Variants in CCDC110 observed in about 807,000 individuals in gnomAD.
The protein encoded by CCDC110 is coiled-coil domain containing 110, also known as coiled-coil domain-containing protein 110.
A neutral mutation model predicts 77.1 loss-of-function variants in CCDC110; 70 were observed. The ratio of observed to expected loss-of-function variants is 0.91; its 90% confidence interval spans 0.75 to 1.11. CCDC110 has a LOEUF of 1.11. CCDC110 is among the 50% of genes least tolerant of loss of function. The pLI is 0.00. For synonymous variants in CCDC110, 295 were observed against 312.5 expected (o/e 0.94, Z 0.59); for missense variants, 868 against 942.9 (o/e 0.92, Z 1.04).
At chr4:185,471,414 C>T in intron 1 of CCDC110, 2 of 333,056 alleles carry the variant, frequency 6.0e-6, no homozygotes, top group Non-Finnish European at 1.1e-5. Flanking sequence ...CGGGGCGCGG[C>T]GCTTTCCGCA....
chr4:185,462,178 C>T (rs2095647642), intron 4 of CCDC110, among the ~76,000 whole-genome samples: 1 of 152,324 alleles, frequency 6.6e-6, no homozygotes, highest in East Asian at 1.9e-4. Context: ...TCTGCCACCA[C>T]AGGGAGTCTG....
At chr4:185,463,144 G>A in intron 2 of CCDC110, 95 bp from the exon 3 acceptor site, 1 of 837,134 alleles carries the variant, frequency 1.2e-6, no homozygotes, top group Admixed American at 2.0e-5. Flanking sequence ...TGCTTGGATA[G>A]TGAGGCAGAG....
At chr4:185,464,664 C>A (rs183518645) in intron 2 of CCDC110, among the ~76,000 whole-genome samples, 1 of 152,122 alleles carries the variant, frequency 6.6e-6, no homozygotes, top group Non-Finnish European at 1.5e-5. Context: ...CCACCCACAA[C>A]GAACTGTTGT....
chr4:185,456,522 GA>G (rs2095636283), intron 6 of CCDC110, among the ~76,000 whole-genome samples: 1 of 151,976 alleles, frequency 6.6e-6, no homozygotes, highest in Non-Finnish European at 1.5e-5. Context: ...GAATAATAAA[GA>G]AAAAAGAATC....
intron 2 of CCDC110, 80 bp downstream of exon 2, chr4:185,470,865 G>T: frequency 9.8e-7 from 1 of 1,023,892 alleles, no homozygotes; most frequent in Non-Finnish European, 1.5e-6. Context: ...TGGGAAGCAC[G>T]CCAGGTGAGC....
intron 6 of CCDC110, among the ~76,000 whole-genome samples, chr4:185,453,851 T>G (rs1412818829): frequency 2.0e-5 from 3 of 151,552 alleles, no homozygotes; most frequent in African/African-American, 7.3e-5. Context: ...TTCGCTCTTG[T>G]TGCACAGGCT....
rs374006208 is a variant in CCDC110, at chr4:185,462,727, A to G, written c.172-19T>C. ...GAAGGACCTATGACAAAAGTAAAGT[A>G]TGAAATTGAGTATTTTTAGGTAGGT... On this transcript the variant is annotated intron_variant, in intron 3 of 6. Coordinates refer to ENST00000307588, the MANE Select transcript of CCDC110 (RefSeq NM_152775.4). 5.0e-6 allele frequency: 8 copies of G among 1,604,028 alleles called. No homozygotes were observed. The highest frequency in any genetic ancestry group is 6.8e-6 in the Non-Finnish European group (8 of 1,170,858).
chr4:185,452,617 G>A (rs914733916), intron 6 of CCDC110, among the ~76,000 whole-genome samples: 18 of 152,178 alleles, frequency 1.2e-4, no homozygotes, highest in African/African-American at 3.1e-4. Context: ...GTTCAAGGCC[G>A]GGCTCGGTGG....
chr4:185,461,308 T>C (rs1430775573), intron 4 of CCDC110, 149 bp from the exon 5 acceptor site: 1 of 499,802 alleles, frequency 2.0e-6, no homozygotes, highest in Admixed American at 3.9e-5. Context: ...TGAAAGCTAC[T>C]TAATTTATTG....
In CCDC110 at chr4:185,468,437, T is replaced by C. The variant is rs2095660005; in HGVS notation, c.115+2508A>G. Among the ~76,000 whole-genome samples the C allele has an allele frequency of 6.6e-6, 1 of 152,130 alleles. No homozygotes were observed. The highest frequency in any genetic ancestry group is 6.5e-5 in the Admixed American group (1 of 15,272). ...GAGGGGAGAGAAGCCTTCTCAAAAT[T>C]CTCCAGTGCTTCTCAATTTTCTCAG... On this transcript the variant is annotated intron_variant, in intron 2 of 6. Transcript: ENST00000307588. The surrounding 1 kb of genome is among the most constrained non-coding windows in gnomAD (Gnocchi z 4.5).
chr4:185,461,142 ACT>A lies in CCDC110; in HGVS notation c.253_254del (p.Ser85Ter). The A allele has an allele frequency of 1.3e-6, 2 of 1,570,310 alleles. No individual in the cohort carries two copies. The highest frequency in any genetic ancestry group is 1.7e-6 in the Non-Finnish European group (2 of 1,151,788). On this transcript the variant is annotated frameshift_variant, in exon 5 of 7. Transcript: ENST00000307588. LOFTEE classifies it high-confidence loss of function. ...QNVSMVQSEISEILNKSIIEV... is the reference protein window; with the variant it reads ...QNVSMVQSEIXEILNKSIIEV... The stretch of plus-strand genomic sequence containing the variant: ...CAATAATACTTTTGTTCAATATTTC[ACT>A]GATTTCCGACTGTACCTTTAAAAGA...
chr4:185,466,245 T>G lies in CCDC110; in HGVS notation c.116-3196A>C, dbSNP rs185854701. Among the ~76,000 whole-genome samples, 158 of 152,158 alleles carry G rather than the reference T, an allele frequency of 1.0e-3. 1 individual carries two copies. Among genetic ancestry groups the G allele is most frequent in the Non-Finnish European group, 1.6e-3 (109 of 67,998 alleles). On this transcript the variant is annotated intron_variant, in intron 2 of 6. Coordinates refer to ENST00000307588, the MANE Select transcript of CCDC110 (RefSeq NM_152775.4). ...AAAAAATTTGCTGGGTGTGGTGGCA[T>G]GTGCCTGTAATCCCAGCTACTCGGG...
chr4:185,471,727 C>G lies in CCDC110; in HGVS notation c.-44G>C. ...TCGCAACCGCCGCCGCACGCACCCGCTCCGCCGCCCCGCGCAGGGCATCCT... is the reference window on the plus strand; with the variant it reads ...TCGCAACCGCCGCCGCACGCACCCGGTCCGCCGCCCCGCGCAGGGCATCCT... On this transcript the variant is annotated 5_prime_UTR_variant, in exon 1 of 7. Transcript: ENST00000307588. 1 of 1,514,260 alleles carries G rather than the reference C, an allele frequency of 6.6e-7. No individual in the cohort carries two copies. The highest frequency in any genetic ancestry group is 8.8e-7 in the Non-Finnish European group (1 of 1,133,656). 93.8% of individuals were successfully genotyped at this position (1,514,260 alleles called of 1,614,324 possible). A position where few individuals can be genotyped will look rare whatever the true frequency, so the allele number is the denominator to read the frequency against.
At chr4:185,450,071 A>G (rs1190377088) in intron 6 of CCDC110, among the ~76,000 whole-genome samples, 1 of 152,202 alleles carries the variant, frequency 6.6e-6, no homozygotes, top group Non-Finnish European at 1.5e-5. Flanking sequence ...ATAGCCTACT[A>G]AAGCATTCTT....
At chr4:185,470,454 A>T (rs1029728986) in intron 2 of CCDC110, 81 of 345,792 alleles carry the variant, frequency 2.3e-4, no homozygotes, top group Non-Finnish European at 1.7e-4. Flanking sequence ...TGTTATTTTT[A>T]AAAATTTTCC....
chr4:185,464,380 T>A (rs1329683290), intron 2 of CCDC110, among the ~76,000 whole-genome samples: 1 of 151,640 alleles, frequency 6.6e-6, no homozygotes, highest in Non-Finnish European at 1.5e-5. Context: ...GGAGAGCGAG[T>A]CTGTCTGGAT....
At position 185,468,626 on chromosome 4, in the gene CCDC110, G is replaced by A. The variant is rs74354452; in HGVS notation, c.115+2319C>T. ...TGCAGTTGCCATTCTCTCTGCCTGC[G>A]GTGCTCTTTCCCTAGAAATCTGCAC... On this transcript the variant is annotated intron_variant, in intron 2 of 6. Transcript: ENST00000307588. The surrounding 1 kb of genome is among the most constrained non-coding windows in gnomAD (Gnocchi z 4.5). Among the ~76,000 whole-genome samples the A allele has an allele frequency of 3.2e-3, 492 of 152,052 alleles. 16 individuals carry two copies. In the East Asian group the frequency reaches 0.082, roughly 25 times the overall value.
intron 2 of CCDC110, among the ~76,000 whole-genome samples, chr4:185,463,256 C>G (rs756374012): frequency 6.6e-6 from 1 of 152,184 alleles, no homozygotes; most frequent in Admixed American, 6.5e-5. Context: ...ATAGTGTCTT[C>G]ACTTTTAGAG....
At chr4:185,461,213 G>A in intron 4 of CCDC110, 54 bp from the exon 5 acceptor site, 1 of 885,536 alleles carries the variant, frequency 1.1e-6, no homozygotes, top group Non-Finnish European at 1.8e-6. Context: ...ACTTATGAAT[G>A]TACAGGAATA....
Sources: allele counts gnomAD v4.1 joint callset (sites outside exome capture counted in the v4.1 genomes callset), GRCh38; gene constraint gnomAD v4.1.1; non-coding constraint Gnocchi (gnomAD v3.1); transcripts MANE v1.5; gene names NCBI Gene and HGNC (gene_info 2026-07-23, HGNC 2026-07-21).